BBS9: variants seen among roughly 807,000 people sequenced by gnomAD.
The protein encoded by BBS9 is protein PTHB1.
BBS9 carries 89 observed loss-of-function variants against 117.7 expected under a neutral mutation model. That is an observed-to-expected ratio of 0.76 (90% confidence interval 0.64 to 0.90). BBS9 has a LOEUF of 0.90. BBS9 is among the 40% of genes least tolerant of loss of function. BBS9 has a pLI of 0.00. For missense variants in BBS9, 982 were observed against 1,042.2 expected (o/e 0.94, Z 0.80); for synonymous variants, 379 against 370.9 (o/e 1.02, Z -0.25).
chr7:33,195,322 G>A lies in BBS9; in HGVS notation c.442+17731G>A, dbSNP rs189815657. 9.7e-4 allele frequency among the ~76,000 whole-genome samples: 148 copies of A among 152,156 alleles called. 3 individuals carry two copies. Among genetic ancestry groups the A allele is most frequent in the Non-Finnish European group, 2.6e-4 (18 of 68,008 alleles). ...CTTTGGGGTTATTTTTTTAGAACAC[G>A]TTAGCTCAGTTCCATTATTCTAGCC... On this transcript the variant is annotated intron_variant, in intron 5 of 22. Transcript: ENST00000242067.
At chr7:33,359,827 A>G (rs1005676396) in intron 16 of BBS9, among the ~76,000 whole-genome samples, 2 of 152,106 alleles carry the variant, frequency 1.3e-5, no homozygotes, top group Non-Finnish European at 2.9e-5. Flanking sequence ...AAATATAGGT[A>G]TATTTAAAAT....
chr7:33,392,600 G>A (rs1827246384), intron 19 of BBS9, among the ~76,000 whole-genome samples: 2 of 152,136 alleles, frequency 1.3e-5, no homozygotes, highest in South Asian at 4.1e-4. Context: ...TGAAGGAGTG[G>A]AGAATTGTGT....
chr7:33,257,101 C>T, intron 5 of BBS9, 135 bp from the exon 6 acceptor site: 2 of 542,624 alleles, frequency 3.7e-6, no homozygotes, highest in Admixed American at 3.5e-5. Flanking sequence ...TAGTAATTTT[C>T]ACACCGAATG....
At chr7:33,596,188 T>TAA (rs10547679) in intron 21 of BBS9, among the ~76,000 whole-genome samples, 1,445 of 121,950 alleles carry the variant, frequency 0.012, 20 homozygotes, top group African/African-American at 0.023. Context: ...TAAAGTAAAA[T>TAA]AAAAAAAAAA....
intron 19 of BBS9, among the ~76,000 whole-genome samples, chr7:33,496,886 A>C (rs907137313): frequency 6.6e-6 from 1 of 152,232 alleles, no homozygotes; most frequent in African/African-American, 2.4e-5. Flanking sequence ...TGGTAAAAGA[A>C]CAATTCTTTT....
At chr7:33,601,047 G>T (rs865997533) in intron 21 of BBS9, among the ~76,000 whole-genome samples, 3 of 152,182 alleles carry the variant, frequency 2.0e-5, no homozygotes, top group South Asian at 2.1e-4. Context: ...GGCAGGGGGA[G>T]GGCCAGTAGA....
chr7:33,396,183 G>A (rs1827924490), intron 19 of BBS9, among the ~76,000 whole-genome samples: 1 of 152,018 alleles, frequency 6.6e-6, no homozygotes, highest in African/African-American at 2.4e-5. Flanking sequence ...CAAGGAAATA[G>A]TTCACAAAGA....
chr7:33,446,949 T>A (rs1237585372), intron 19 of BBS9, among the ~76,000 whole-genome samples: 1 of 152,130 alleles, frequency 6.6e-6, no homozygotes, highest in East Asian at 1.9e-4. Flanking sequence ...TGGCTAAAGG[T>A]GGCAAGTTCT....
chr7:33,263,349 A>G (rs918660595), intron 6 of BBS9, among the ~76,000 whole-genome samples: 2 of 152,040 alleles, frequency 1.3e-5, no homozygotes, highest in Non-Finnish European at 2.9e-5. Context: ...ACACTCTCAG[A>G]TATCTGTGTC....
At position 33,616,040 on chromosome 7, in the gene BBS9, ATG is replaced by A. The variant is rs568705701; in HGVS notation, c.2522-19133_2522-19132del. On this transcript the variant is annotated intron_variant, in intron 21 of 21. Coordinates refer to the BBS9 transcript ENST00000671952. Reference sequence around the variant, plus strand: ...TGTCAGCAGACCAGCCTTGCAAGAAATGTGTTAAAAGAAGTGATTCAGAGAAA... The same window carrying A: ...TGTCAGCAGACCAGCCTTGCAAGAAATGTTAAAAGAAGTGATTCAGAGAAA... Among the ~76,000 whole-genome samples, 338 of 152,200 alleles carry A rather than the reference ATG, an allele frequency of 2.2e-3. 2 individuals carry two copies. The highest frequency in any genetic ancestry group is 7.7e-3 in the African/African-American group (319 of 41,546).
intron 19 of BBS9, among the ~76,000 whole-genome samples, chr7:33,394,589 A>G (rs1827634007): frequency 6.6e-6 from 1 of 152,184 alleles, no homozygotes; most frequent in Admixed American, 6.5e-5. Context: ...GAAAAATATC[A>G]TTCTTTTTGA....
intron 21 of BBS9, among the ~76,000 whole-genome samples, chr7:33,575,397 G>A (rs529808838): frequency 6.6e-6 from 1 of 152,220 alleles, no homozygotes; most frequent in East Asian, 1.9e-4. Flanking sequence ...AACAAGCTCT[G>A]AAATGGAGGC....
intron 17 of BBS9, among the ~76,000 whole-genome samples, chr7:33,383,214 C>T (rs143656224): frequency 6.6e-6 from 1 of 152,270 alleles, no homozygotes; most frequent in East Asian, 1.9e-4. Context: ...AAGCTTTGAT[C>T]ATGATTACAG....
At chr7:33,165,638 G>C (rs1795565128) in intron 4 of BBS9, among the ~76,000 whole-genome samples, 1 of 151,828 alleles carries the variant, frequency 6.6e-6, no homozygotes. Context: ...ATTGAAGCTT[G>C]TGCATGTGTC....
intron 19 of BBS9, among the ~76,000 whole-genome samples, chr7:33,490,400 G>A (rs1585006520): frequency 6.6e-6 from 1 of 152,050 alleles, no homozygotes; most frequent in Admixed American, 6.5e-5. Flanking sequence ...AGCTTTACAT[G>A]AGAATATCAA....
intron 9 of BBS9, among the ~76,000 whole-genome samples, chr7:33,330,528 A>G (rs1813808349): frequency 1.3e-5 from 2 of 152,186 alleles, no homozygotes; most frequent in Admixed American, 6.6e-5. Flanking sequence ...TTGCGTTCTT[A>G]TAGCAAAAGT....
chr7:33,265,656 C>A (rs1244894493), intron 7 of BBS9, among the ~76,000 whole-genome samples: 2 of 151,968 alleles, frequency 1.3e-5, no homozygotes, highest in African/African-American at 4.8e-5. Context: ...AGCAGCCTGG[C>A]CAACATGGAG....
At chr7:33,223,765 G>A (rs1349003811) in intron 5 of BBS9, among the ~76,000 whole-genome samples, 5 of 151,694 alleles carry the variant, frequency 3.3e-5, no homozygotes, top group Admixed American at 6.6e-5. Flanking sequence ...GATAGAACTT[G>A]TGTTTGTTGA....
chr7:33,173,532 A>C (rs1210712721), intron 4 of BBS9, among the ~76,000 whole-genome samples: 1 of 151,316 alleles, frequency 6.6e-6, no homozygotes, highest in African/African-American at 2.4e-5. Flanking sequence ...AGATTGCGCC[A>C]CTGCACTCCA....
Sources: allele counts gnomAD v4.1 joint callset (sites outside exome capture counted in the v4.1 genomes callset), GRCh38; gene constraint gnomAD v4.1.1; transcripts MANE v1.5; gene names NCBI Gene and HGNC (gene_info 2026-07-23, HGNC 2026-07-21).